The following CCDC68 variants were observed in gnomAD, a reference collection of about 807,000 sequenced individuals.
The protein encoded by CCDC68 is coiled-coil domain containing 68, also known as coiled-coil domain-containing protein 68.
In CCDC68, 45 loss-of-function variants were observed where a neutral mutation model predicts 47.1. The ratio of observed to expected loss-of-function variants is 0.96; its 90% CI spans 0.75 to 1.23. The LOEUF is 1.23. Ranked by LOEUF, CCDC68 falls within the 50% of genes most tolerant of loss-of-function variation. The pLI, the probability that CCDC68 is intolerant of heterozygous loss-of-function variation, is 0.00. For synonymous variants in CCDC68, 131 were observed against 129.5 expected (o/e 1.01, Z -0.08); for missense variants, 353 against 373.6 (o/e 0.94, Z 0.45).
chr18:54,941,287 C>T (rs1000937426), intron 3 of CCDC68, among the ~76,000 whole-genome samples: 1 of 152,126 alleles, frequency 6.6e-6, no homozygotes, highest in African/African-American at 2.4e-5. Context: ...AGCATTTGGA[C>T]TTTATAACTC....
At chr18:54,918,651 A>G (rs75093433) in intron 9 of CCDC68, among the ~76,000 whole-genome samples, 1,584 of 152,352 alleles carry the variant, frequency 0.01, 21 homozygotes, top group African/African-American at 0.032. Flanking sequence ...CACAAATGCT[A>G]TATCTATGTG....
chr18:54,910,222 C>A (rs189787874), intron 10 of CCDC68, among the ~76,000 whole-genome samples: 1 of 152,170 alleles, frequency 6.6e-6, no homozygotes, highest in Admixed American at 6.5e-5. Flanking sequence ...TCAACAGAGA[C>A]GGTAGCTCCT....
chr18:54,926,032 A>G (rs997101250), intron 8 of CCDC68, among the ~76,000 whole-genome samples: 2 of 152,214 alleles, frequency 1.3e-5, no homozygotes, highest in Non-Finnish European at 2.9e-5. Context: ...ACTACTGCAG[A>G]TAAATGTACA....
At chr18:54,950,695 C>T (rs902048495) in intron 1 of CCDC68, among the ~76,000 whole-genome samples, 34 of 150,938 alleles carry the variant, frequency 2.3e-4, no homozygotes, top group Middle Eastern at 3.4e-3. Flanking sequence ...TAAATATGTA[C>T]TATTGACAAA....
intron 7 of CCDC68, among the ~76,000 whole-genome samples, chr18:54,929,805 T>C (rs1186194606): frequency 6.6e-6 from 1 of 152,218 alleles, no homozygotes; most frequent in African/African-American, 2.4e-5. Flanking sequence ...ACATAGGGAC[T>C]TACCTGGTTT....
chr18:54,934,655 G>A (rs2044313783), intron 7 of CCDC68, among the ~76,000 whole-genome samples, 165 bp downstream of exon 7: 1 of 152,012 alleles, frequency 6.6e-6, no homozygotes, highest in African/African-American at 2.4e-5. Flanking sequence ...AATGTTTATG[G>A]GAAAAATTAA....
chr18:54,915,469 C>T (rs960028232), intron 10 of CCDC68, among the ~76,000 whole-genome samples: 1 of 152,220 alleles, frequency 6.6e-6, no homozygotes, highest in Non-Finnish European at 1.5e-5. Flanking sequence ...TTAGTATGTA[C>T]ACACAGGTAT....
chr18:54,934,138 G>A (rs1431698139), intron 7 of CCDC68, among the ~76,000 whole-genome samples: 3 of 152,032 alleles, frequency 2.0e-5, no homozygotes, highest in Non-Finnish European at 4.4e-5. Context: ...TCTTTGTTTT[G>A]CTAATAAAAA....
At chr18:54,918,594 C>T (rs567644665) in intron 9 of CCDC68, among the ~76,000 whole-genome samples, 1 of 152,298 alleles carries the variant, frequency 6.6e-6, no homozygotes, top group Non-Finnish European at 1.5e-5. Context: ...CTCTCAAATT[C>T]CACTACTCAA....
At chr18:54,905,432 A>AGGAAGGAAGGAAGGAAGGAAGGAAGGAT (rs1303180219) in intron 11 of CCDC68, among the ~76,000 whole-genome samples, 1 of 149,748 alleles carries the variant, frequency 6.7e-6, no homozygotes, top group African/African-American at 2.5e-5. Flanking sequence ...GAAGGAAGGA[A>AGGAAGGAAGGAAGGAAGGAAGGAAGGAT]GATCTATATG....
intron 5 of CCDC68, chr18:54,937,693 G>A (rs1374161242): frequency 1.7e-5 from 5 of 299,326 alleles, no homozygotes; most frequent in African/African-American, 1.1e-4. Flanking sequence ...TAGATTTCTA[G>A]AACTTATTCA....
intron 8 of CCDC68, among the ~76,000 whole-genome samples, chr18:54,927,651 A>G (rs1286644817): frequency 6.6e-6 from 1 of 152,248 alleles, no homozygotes; most frequent in African/African-American, 2.4e-5. Flanking sequence ...ATTTCCTTCA[A>G]TCTCTACAGA....
chr18:54,928,180 C>T (rs1307384860), intron 8 of CCDC68, among the ~76,000 whole-genome samples: 2 of 152,120 alleles, frequency 1.3e-5, no homozygotes, highest in South Asian at 2.1e-4. Flanking sequence ...TGATTTATTA[C>T]ATGATAATAC....
intron 10 of CCDC68, among the ~76,000 whole-genome samples, chr18:54,913,308 T>C (rs1341415335): frequency 6.6e-6 from 1 of 152,198 alleles, no homozygotes; most frequent in Non-Finnish European, 1.5e-5. Flanking sequence ...CTTTATGGTT[T>C]CAAAAGTTGC....
intron 10 of CCDC68, 67 bp from the exon 11 acceptor site, chr18:54,907,929 C>G (rs1316355563): frequency 3.4e-6 from 3 of 892,234 alleles, no homozygotes; most frequent in African/African-American, 3.3e-5. Flanking sequence ...CTCAATGCTT[C>G]TATTCAACCC....
At chr18:54,953,105 C>G (rs192426721) in intron 1 of CCDC68, among the ~76,000 whole-genome samples, 13 of 152,060 alleles carry the variant, frequency 8.5e-5, no homozygotes, top group African/African-American at 3.1e-4. Flanking sequence ...ATTCAAGGAG[C>G]TACATATTCT....
chr18:54,957,627 ACTCTCTCT>A (rs60851819), intron 1 of CCDC68, among the ~76,000 whole-genome samples: 13 of 143,754 alleles, frequency 9.0e-5, no homozygotes, highest in Admixed American at 1.4e-4. Flanking sequence ...ACACACACAC[ACTCTCTCT>A]CTCTCTCTCT....
chr18:54,959,443 C>T lies in CCDC68; in HGVS notation c.-210G>A, dbSNP rs1261611957. ...AGGGCCCTGCGAGTGCAGCCGCCAC[C>T]GCCCGCAGGCTTGGCTCCGCCCCGC... is the stretch of plus-strand genomic sequence containing the variant. On this transcript the variant is annotated 5_prime_UTR_variant, in exon 1 of 12. Transcript: ENST00000591504. The T allele has an allele frequency of 1.3e-5, 2 of 151,968 alleles. No individual in the cohort carries two copies. The highest frequency in any genetic ancestry group is 2.9e-5 in the Non-Finnish European group (2 of 67,988). The allele number at this position is 151,968 out of a possible 1,614,324, so 9.4% of individuals were successfully genotyped here. A position where few individuals can be genotyped will look rare whatever the true frequency, so the allele number is the denominator to read the frequency against.
intron 1 of CCDC68, among the ~76,000 whole-genome samples, chr18:54,956,354 G>A (rs527488994): frequency 6.6e-5 from 10 of 152,300 alleles, no homozygotes; most frequent in African/African-American, 1.9e-4. Flanking sequence ...TGCTTAATAG[G>A]AACCTGGATG....
Sources: gnomAD v4.1 joint callset for allele counts (sites outside exome capture counted in the v4.1 genomes callset) on GRCh38, gnomAD v4.1.1 for gene constraint, MANE v1.5 for transcripts, NCBI Gene and HGNC (gene_info 2026-07-23, HGNC 2026-07-21) for gene names.